GRID2: variants seen among roughly 807,000 people sequenced by gnomAD.
GRID2 encodes glutamate receptor ionotropic, delta-2.
A neutral mutation model predicts 114.8 loss-of-function variants in GRID2; 33 were observed. The observed-to-expected ratio is 0.29, with a 90% confidence interval of 0.22 to 0.38. The LOEUF is 0.38. Ranked by LOEUF, GRID2 falls within the 10% of genes least tolerant of loss-of-function variation. GRID2 has a pLI of 1.00. For synonymous variants in GRID2, 505 were observed against 449.9 expected, an observed-to-expected ratio of 1.12 and a Z score of -1.55; for missense variants, 1,184 against 1,257.7, an observed-to-expected ratio of 0.94 and a Z score of 0.89.
intron 2 of GRID2, among the ~76,000 whole-genome samples, chr4:93,032,555 A>C (rs901414461): frequency 6.6e-6 from 1 of 152,096 alleles, no homozygotes; most frequent in Admixed American, 6.6e-5. Context: ...CTTAACTCTT[A>C]TCTTAATTAG....
chr4:93,056,648 T>A (rs191233846), intron 2 of GRID2, among the ~76,000 whole-genome samples: 293 of 152,134 alleles, frequency 1.9e-3, no homozygotes, highest in African/African-American at 5.6e-3. Context: ...TAACTTATTG[T>A]TCATTAATAA....
chr4:92,890,494 A>C (rs1746689991), intron 2 of GRID2, among the ~76,000 whole-genome samples: 1 of 152,206 alleles, frequency 6.6e-6, no homozygotes, highest in Non-Finnish European at 1.5e-5. Flanking sequence ...TTATGTGGCC[A>C]AAAAACATAT....
intron 8 of GRID2, among the ~76,000 whole-genome samples, chr4:93,356,216 A>G (rs1761321796): frequency 6.6e-6 from 1 of 152,024 alleles, no homozygotes; most frequent in South Asian, 2.1e-4. Context: ...TGCCATCACA[A>G]ATTTTACATT....
At chr4:92,592,855 T>G (rs537985621) in intron 2 of GRID2, among the ~76,000 whole-genome samples, 105 of 151,854 alleles carry the variant, frequency 6.9e-4, no homozygotes, top group African/African-American at 2.4e-3. Flanking sequence ...TTGAAAAAAA[T>G]AAGAGAAAAT....
At chr4:93,064,522 G>C (rs1197878282) in intron 2 of GRID2, among the ~76,000 whole-genome samples, 1 of 151,778 alleles carries the variant, frequency 6.6e-6, no homozygotes, top group African/African-American at 2.4e-5. Flanking sequence ...ACCAGCTTTT[G>C]TCTAGGCTTT....
chr4:93,634,724 C>T (rs887502525), intron 14 of GRID2, among the ~76,000 whole-genome samples: 1 of 151,854 alleles, frequency 6.6e-6, no homozygotes, highest in African/African-American at 2.4e-5. Flanking sequence ...TGAAGAAGGC[C>T]ATTTGCAAGT....
chr4:92,703,228 ATC>A (rs1734769446), intron 2 of GRID2, among the ~76,000 whole-genome samples: 1 of 152,226 alleles, frequency 6.6e-6, no homozygotes, highest in African/African-American at 2.4e-5. Flanking sequence ...AAAGACATAT[ATC>A]TATTTTGTGC....
rs139797832 is a variant in GRID2 at position 92,640,180 on chromosome 4, CAT to C, written c.244+49897_244+49898del. On this transcript the variant is annotated intron_variant, in intron 2 of 15. Transcript: ENST00000282020. ...AATGGGCTATCAGAACAGTAGATCA[CAT>C]ATTTATTTAAAAACTAAAGGAGTGA... Among the ~76,000 whole-genome samples, 201 of 151,758 alleles carry C rather than the reference CAT, an allele frequency of 1.3e-3. 1 individual carries two copies. The highest frequency in any genetic ancestry group is 4.5e-3 in the African/African-American group (185 of 41,452).
intron 2 of GRID2, among the ~76,000 whole-genome samples, chr4:92,752,230 T>C (rs868305625): frequency 6.6e-6 from 1 of 152,326 alleles, no homozygotes. Flanking sequence ...TCAAGCCTTA[T>C]AGCTTTCCAA....
intron 14 of GRID2, among the ~76,000 whole-genome samples, chr4:93,716,257 T>C (rs1369366100): frequency 6.6e-6 from 1 of 152,080 alleles, no homozygotes; most frequent in Non-Finnish European, 1.5e-5. Flanking sequence ...GGATAAAAGA[T>C]ATAGAAAAGA....
intron 12 of GRID2, among the ~76,000 whole-genome samples, chr4:93,494,727 T>A (rs1012031168): frequency 6.6e-6 from 1 of 151,772 alleles, no homozygotes; most frequent in African/African-American, 2.4e-5. Context: ...TCCACAAGAC[T>A]CTAATGACAA....
intron 1 of GRID2, among the ~76,000 whole-genome samples, chr4:92,556,239 C>CATTA (rs1726843934): frequency 6.6e-6 from 1 of 152,052 alleles, no homozygotes; most frequent in Admixed American, 6.6e-5. Flanking sequence ...TTTCCAAAGC[C>CATTA]TAATGCTCAT....
chr4:93,289,603 T>C (rs1753527214), intron 8 of GRID2, among the ~76,000 whole-genome samples: 1 of 152,188 alleles, frequency 6.6e-6, no homozygotes. Context: ...GTTTCTATAA[T>C]GAAAACATAT....
chr4:92,570,481 A>T (rs1354950383), intron 1 of GRID2, among the ~76,000 whole-genome samples: 2 of 152,082 alleles, frequency 1.3e-5, no homozygotes, highest in African/African-American at 4.8e-5. Context: ...TCTTTTTCTA[A>T]TTCTGTGAAG....
intron 14 of GRID2, among the ~76,000 whole-genome samples, chr4:93,703,415 C>A (rs1447239831): frequency 5.3e-5 from 8 of 152,084 alleles, no homozygotes; most frequent in Admixed American, 2.6e-4. Flanking sequence ...TCCAATTATA[C>A]TCTTTGAGTT....
At chr4:92,667,349 A>G (rs1174277380) in intron 2 of GRID2, among the ~76,000 whole-genome samples, 1 of 151,700 alleles carries the variant, frequency 6.6e-6, no homozygotes, top group African/African-American at 2.4e-5. Flanking sequence ...AACACTGGGT[A>G]AAAGTAGAAG....
At chr4:92,474,881 AC>A (rs1307287198) in intron 1 of GRID2, among the ~76,000 whole-genome samples, 4 of 146,720 alleles carry the variant, frequency 2.7e-5, no homozygotes, top group Admixed American at 2.1e-4. Context: ...TTGGATATTA[AC>A]CTCTTATCAA....
chr4:92,972,819 C>T (rs561326251), intron 2 of GRID2, among the ~76,000 whole-genome samples: 29 of 152,016 alleles, frequency 1.9e-4, no homozygotes, highest in Non-Finnish European at 3.7e-4. Context: ...TATGTGTTCT[C>T]ATCATTTAGC....
At chr4:92,632,449 C>A (rs1217806267) in intron 2 of GRID2, among the ~76,000 whole-genome samples, 1 of 151,924 alleles carries the variant, frequency 6.6e-6, no homozygotes, top group East Asian at 1.9e-4. Context: ...GCCTGGTCAA[C>A]AATGCAAAAC....
Sources: gnomAD v4.1 joint callset for allele counts (sites outside exome capture counted in the v4.1 genomes callset) on GRCh38, gnomAD v4.1.1 for gene constraint, MANE v1.5 for transcripts, NCBI Gene and HGNC (gene_info 2026-07-23, HGNC 2026-07-21) for gene names.